Variants in AP1G1 observed in about 807,000 individuals in gnomAD.
AP1G1 encodes adaptor related protein complex 1 subunit gamma 1.
AP1G1 carries 7 observed loss-of-function variants against 108.3 expected under a neutral mutation model. The ratio of observed to expected loss-of-function variants is 0.06; its 90% CI spans 0.04 to 0.12. The LOEUF is 0.12. Among genes scored for constraint, AP1G1 ranks in the 10% least tolerant of loss-of-function variants. The pLI, the probability that AP1G1 is intolerant of heterozygous loss-of-function variation, is 1.00. For missense variants in AP1G1, 756 were observed against 1,010.7 expected (o/e 0.75, Z 3.42); for synonymous variants, 379 against 353.5 (o/e 1.07, Z -0.81).
Position 71,733,124 on chromosome 16 carries a change from A to T in AP1G1, c.2403T>A (p.Asn801Lys), listed in dbSNP as rs2045489764. 1.9e-6 allele frequency: 3 copies of T among 1,614,044 alleles called. No individual in the cohort carries two copies. The highest frequency in any genetic ancestry group is 1.7e-5 in the Admixed American group (1 of 59,982). ...QLRMRIKLTY[N>K]HKGSAMQDLA... The stretch of plus-strand genomic sequence containing the variant: ...GATCTTGCATTGCTGAGCCCTTGTG[A>T]TTATATGTAAGCTTGATCCGCATTC... Residue 801 changes from asparagine to lysine, a missense_variant, in exon 23 of 23, where the codon AAT (asparagine) becomes AAA (lysine). Around this residue, in one of 3 missense-constraint regions of AP1G1, gnomAD observed 95 missense variants for 160.5 expected, o/e 0.59. Transcript: ENST00000299980.
At chr16:71,773,064 G>C (rs777532316) in intron 4 of AP1G1, 157 bp downstream of exon 4, 1 of 825,762 alleles carries the variant, frequency 1.2e-6, no homozygotes, top group Non-Finnish European at 2.0e-6. Context: ...CTTAAGAAAA[G>C]AGGAATTAAG....
intron 16 of AP1G1, 143 bp from the exon 17 acceptor site, chr16:71,746,835 A>G (rs926132961): frequency 3.7e-5 from 22 of 593,226 alleles, no homozygotes; most frequent in African/African-American, 3.4e-4. Flanking sequence ...TTCAAAAACA[A>G]AACACTTTAC....
chr16:71,752,915 T>C (rs2030579735), intron 13 of AP1G1, among the ~76,000 whole-genome samples: 1 of 152,224 alleles, frequency 6.6e-6, no homozygotes, highest in South Asian at 2.1e-4. Flanking sequence ...CTGGTTCAAA[T>C]ACCAATTTTT....
At chr16:71,753,605 ACT>A in intron 13 of AP1G1, 1 of 521,026 alleles carries the variant, frequency 1.9e-6, no homozygotes, top group East Asian at 3.4e-5. Context: ...TCCCTGACTA[ACT>A]CTAATCTAAA....
chr16:71,762,166 G>T (rs945526223), intron 9 of AP1G1, among the ~76,000 whole-genome samples: 1 of 152,028 alleles, frequency 6.6e-6, no homozygotes, highest in Non-Finnish European at 1.5e-5. Flanking sequence ...ATGCAATATG[G>T]AATGTCACGC....
chr16:71,766,444 T>C (rs2031317643), intron 6 of AP1G1: 4 of 469,026 alleles, frequency 8.5e-6, no homozygotes, highest in Middle Eastern at 3.3e-4. Context: ...ACTCATTTCA[T>C]TTCTGTTGAT....
At chr16:71,739,801 C>T (rs960688952) in intron 19 of AP1G1, among the ~76,000 whole-genome samples, 2 of 151,004 alleles carry the variant, frequency 1.3e-5, no homozygotes, top group African/African-American at 4.9e-5. Context: ...AAAATGTTTG[C>T]TATACAGTAA....
At chr16:71,740,459 C>G (rs1258195481) in intron 19 of AP1G1, among the ~76,000 whole-genome samples, 2 of 152,182 alleles carry the variant, frequency 1.3e-5, no homozygotes, top group Non-Finnish European at 2.9e-5. Context: ...GCATTCATAG[C>G]AGGAACACTC....
intron 1 of AP1G1, chr16:71,808,501 G>A (rs1416314205): frequency 3.9e-6 from 5 of 1,269,928 alleles, no homozygotes; most frequent in Admixed American, 2.4e-5. Context: ...AAGGAGGCCC[G>A]TACCGGCGGG....
At chr16:71,802,186 T>C (rs370747381) in intron 1 of AP1G1, among the ~76,000 whole-genome samples, 1 of 152,144 alleles carries the variant, frequency 6.6e-6, no homozygotes, top group East Asian at 1.9e-4. Context: ...ACAGCTCAAG[T>C]TAGTGAACCT....
chr16:71,743,046 G>A (rs907027996), intron 19 of AP1G1: 1 of 152,006 alleles, frequency 6.6e-6, no homozygotes, highest in East Asian at 1.9e-4. Context: ...TGTTGATAAA[G>A]TATTAGTCAC....
intron 2 of AP1G1, among the ~76,000 whole-genome samples, chr16:71,782,660 G>A (rs933202380): frequency 1.3e-5 from 2 of 151,760 alleles, no homozygotes; most frequent in Non-Finnish European, 2.9e-5. Context: ...GTTAATTTTT[G>A]TATTTTTAGT....
At chr16:71,782,628 T>A (rs951619084) in intron 2 of AP1G1, among the ~76,000 whole-genome samples, 4 of 151,908 alleles carry the variant, frequency 2.6e-5, no homozygotes, top group African/African-American at 9.7e-5. Context: ...CTGGGATTAA[T>A]AGGCGCCTGA....
chr16:71,772,892 C>G (rs2031631047), intron 4 of AP1G1: 1 of 360,368 alleles, frequency 2.8e-6, no homozygotes, highest in South Asian at 2.2e-5. Flanking sequence ...CACAAAGGCA[C>G]TAATACAAAG....
rs1280723631 is a variant in AP1G1 at position 71,739,273 on chromosome 16, C to A, written c.2068G>T (p.Gly690Trp). 1.2e-6 allele frequency: 2 copies of A among 1,613,234 alleles called. No individual in the cohort carries two copies. Among genetic ancestry groups the A allele is most frequent in the Non-Finnish European group, 1.7e-6 (2 of 1,179,812 alleles). The change falls in exon 20 of 23, where the codon GGG (glycine) becomes TGG (tryptophan). Residue 690 changes from glycine (G) to tryptophan (W), a missense_variant. Gly to Trp is a radical substitution (Grantham distance 184, BLOSUM62 -2). Coordinates refer to ENST00000299980, the MANE Select transcript of AP1G1 (RefSeq NM_001128.6). ...TTGAAGAGAGGCTGTGATGAAAGCC[C>A]ATCCAACAAGAAGGGGGGCTGGGAT... is the stretch of plus-strand genomic sequence containing the variant. Reference protein sequence around the residue: ...QISQPPFLLDGLSSQPLFNDI... With the variant: ...QISQPPFLLDWLSSQPLFNDI...
At chr16:71,777,095 C>G (rs1171429106) in intron 2 of AP1G1, among the ~76,000 whole-genome samples, 1 of 97,178 alleles carries the variant, frequency 1.0e-5, no homozygotes, top group African/African-American at 4.8e-5. Context: ...AGGAAAACAG[C>G]CAAACTGTTA....
rs9929582 is a variant in AP1G1, at chr16:71,738,881, G to C, written c.2268+61C>G. 15 of 1,081,254 alleles carry C rather than the reference G, an allele frequency of 1.4e-5. No individual in the cohort carries two copies. The African/African-American group carries it at 2.9e-4, about 21-fold the overall frequency. The allele number at this position is 1,081,254 out of a possible 1,614,324, so 67.0% of individuals were successfully genotyped here. On this transcript the variant is annotated intron_variant, in intron 21 of 22. Transcript: ENST00000299980. ...AAAACATATCCTTTACCAAACACAT[G>C]AAAAAAAAAAGCCAGCCAATCTTTA...
chr16:71,744,181 T>G (rs773016862), intron 19 of AP1G1, among the ~76,000 whole-genome samples: 1 of 149,548 alleles, frequency 6.7e-6, no homozygotes, highest in African/African-American at 2.5e-5. Flanking sequence ...GAGGCGGAGG[T>G]TGCAGTGAGT....
chr16:71,774,839 G>A (rs979536162), intron 2 of AP1G1, among the ~76,000 whole-genome samples: 1 of 151,754 alleles, frequency 6.6e-6, no homozygotes, highest in African/African-American at 2.4e-5. Context: ...TCCTGCCTCA[G>A]CCTCCCGAGT....
Sources: allele counts gnomAD v4.1 joint callset (sites outside exome capture counted in the v4.1 genomes callset), GRCh38; gene constraint gnomAD v4.1.1; regional missense constraint gnomAD v4.1.1; transcripts MANE v1.5; gene names NCBI Gene and HGNC (gene_info 2026-07-23, HGNC 2026-07-21).